HPSE2: variants seen among roughly 807,000 people sequenced by gnomAD.
HPSE2 encodes heparanase 2 (inactive).
Under a neutral mutation model 60.5 loss-of-function variants are expected in HPSE2, and 38 were observed. The ratio of observed to expected loss-of-function variants is 0.63; its 90% CI spans 0.48 to 0.82. The LOEUF (loss-of-function observed/expected upper bound fraction) is 0.82. Among genes scored for constraint, HPSE2 ranks in the 40% least tolerant of loss-of-function variants. HPSE2 has a pLI of 0.00. For missense variants in HPSE2, 713 were observed against 740.4 expected, an observed-to-expected ratio of 0.96 and a Z score of 0.43; for synonymous variants, 295 against 293.2, an observed-to-expected ratio of 1.01 and a Z score of -0.06.
intron 2 of HPSE2, among the ~76,000 whole-genome samples, chr10:99,163,855 T>G (rs1846948697): frequency 6.6e-6 from 1 of 152,096 alleles, no homozygotes; most frequent in Admixed American, 6.5e-5. Flanking sequence ...CAGAAGTTTC[T>G]TTATAATTGA....
intron 4 of HPSE2, among the ~76,000 whole-genome samples, chr10:98,743,262 C>T (rs1026631673): frequency 2.0e-5 from 3 of 151,814 alleles, no homozygotes; most frequent in Non-Finnish European, 2.9e-5. Flanking sequence ...TGAGCCACCA[C>T]GCCCAGCCAA....
chr10:99,167,030 A>G (rs141850889), intron 2 of HPSE2, among the ~76,000 whole-genome samples: 3 of 132,688 alleles, frequency 2.3e-5, no homozygotes. Context: ...TGTTTGTTTG[A>G]GACAGAGTCT....
At chr10:98,989,930 C>T (rs6584228) in intron 3 of HPSE2, among the ~76,000 whole-genome samples, 115,704 of 152,092 alleles carry the variant, frequency 0.76, 44,370 homozygotes, top group East Asian at 0.86. Context: ...AAAGAAGCTC[C>T]CTAGTGATGT....
chr10:98,554,788 T>A (rs1388543548), intron 9 of HPSE2, among the ~76,000 whole-genome samples: 1 of 152,238 alleles, frequency 6.6e-6, no homozygotes, highest in Non-Finnish European at 1.5e-5. Flanking sequence ...TTAGTCTTGG[T>A]TCTGCCTTGG....
chr10:99,216,312 A>T (rs1260429792), intron 2 of HPSE2, among the ~76,000 whole-genome samples: 1 of 148,674 alleles, frequency 6.7e-6, no homozygotes, highest in Non-Finnish European at 1.5e-5. Context: ...CTCCTGCCTC[A>T]GCCTCCTGAG....
chr10:99,053,330 C>T (rs1268874315), intron 3 of HPSE2, among the ~76,000 whole-genome samples: 1 of 151,660 alleles, frequency 6.6e-6, no homozygotes, highest in Non-Finnish European at 1.5e-5. Flanking sequence ...AAGTTGAAGA[C>T]CCATATTGTA....
At chr10:98,600,697 C>G (rs991793801) in intron 9 of HPSE2, among the ~76,000 whole-genome samples, 4 of 150,810 alleles carry the variant, frequency 2.7e-5, no homozygotes, top group African/African-American at 9.8e-5. Context: ...AGTCATAGTT[C>G]TCCAGAGAAA....
chr10:98,640,550 T>A (rs1236905079), intron 7 of HPSE2, among the ~76,000 whole-genome samples: 2 of 152,222 alleles, frequency 1.3e-5, no homozygotes, highest in South Asian at 4.1e-4. Flanking sequence ...AAAATTGATG[T>A]TCTATGATTT....
intron 9 of HPSE2, among the ~76,000 whole-genome samples, chr10:98,547,655 T>G (rs1589403213): frequency 1.3e-5 from 1 of 77,158 alleles, no homozygotes; most frequent in East Asian, 4.3e-4. Context: ...GGGACTGTTG[T>G]GGGGTGGGGG....
chr10:99,310,296 G>A, the HPSE2 span, among the ~76,000 whole-genome samples: 1 of 152,124 alleles, frequency 6.6e-6, no homozygotes, highest in Admixed American at 6.5e-5. Context: ...ATCTTTGGGA[G>A]CCATTATCAG....
chr10:98,979,775 T>C (rs1171406499), intron 3 of HPSE2, among the ~76,000 whole-genome samples: 1 of 152,316 alleles, frequency 6.6e-6, no homozygotes, highest in Admixed American at 6.5e-5. Context: ...CTTATTGATA[T>C]GCTGTTTCAA....
At chr10:99,090,667 TA>T (rs1843480663) in intron 3 of HPSE2, among the ~76,000 whole-genome samples, 1 of 152,116 alleles carries the variant, frequency 6.6e-6, no homozygotes, top group Non-Finnish European at 1.5e-5. Context: ...CTAAATTTCC[TA>T]AAAACCATTA....
chr10:99,154,134 C>T (rs1484523954), intron 2 of HPSE2, among the ~76,000 whole-genome samples: 17 of 144,150 alleles, frequency 1.2e-4, no homozygotes, highest in Admixed American at 3.5e-4. Flanking sequence ...GATTGGTGTA[C>T]CTGAAAGTGA....
chr10:99,094,747 G>A (rs1371000019), intron 3 of HPSE2, among the ~76,000 whole-genome samples: 3 of 150,176 alleles, frequency 2.0e-5, no homozygotes, highest in East Asian at 2.0e-4. Flanking sequence ...AGTAGAGGCA[G>A]GGTTTCACCG....
chr10:99,048,532 C>T (rs1957913508), intron 3 of HPSE2, among the ~76,000 whole-genome samples: 1 of 152,030 alleles, frequency 6.6e-6, no homozygotes, highest in African/African-American at 2.4e-5. Context: ...AGTGAGATAC[C>T]ATCTCAAAGC....
chr10:99,188,061 C>T (rs2133852898), intron 2 of HPSE2, among the ~76,000 whole-genome samples: 1 of 152,322 alleles, frequency 6.6e-6, no homozygotes, highest in East Asian at 1.9e-4. Flanking sequence ...AGGCCAACTA[C>T]AGGACATGAG....
intron 9 of HPSE2, among the ~76,000 whole-genome samples, chr10:98,595,336 AT>A (rs71488859): frequency 1.3e-5 from 2 of 151,504 alleles, no homozygotes; most frequent in African/African-American, 2.4e-5. Context: ...CACCTGGCAA[AT>A]TTTTTTGTAT....
chr10:99,260,447 G>A, the HPSE2 span, among the ~76,000 whole-genome samples: 2 of 152,058 alleles, frequency 1.3e-5, no homozygotes, highest in Admixed American at 1.3e-4. Context: ...CCAGCCCAAG[G>A]AACATCTCAC....
chr10:98,642,723 G>A lies in HPSE2; in HGVS notation c.1005-783C>T, dbSNP rs554485174. 7.9e-4 allele frequency among the ~76,000 whole-genome samples: 120 copies of A among 152,328 alleles called. 1 individual carries two copies. Among genetic ancestry groups the A allele is most frequent in the African/African-American group, 2.7e-3 (114 of 41,574 alleles). ...TGTGAGACTCTTTGCTGAAGATTAA[G>A]CTAAGGCTGACACAGGGTTAGGTGA... On this transcript the variant is annotated intron_variant, in intron 6 of 11. Transcript: ENST00000370552.
Sources: gnomAD v4.1 joint callset for allele counts (sites outside exome capture counted in the v4.1 genomes callset) on GRCh38, gnomAD v4.1.1 for gene constraint, MANE v1.5 for transcripts, NCBI Gene and HGNC (gene_info 2026-07-23, HGNC 2026-07-21) for gene names.